The following TRPM3 variants were observed in gnomAD, a reference collection of about 807,000 sequenced individuals.
The protein encoded by TRPM3 is transient receptor potential cation channel subfamily M member 3, also known as long transient receptor potential channel 3.
In TRPM3, 77 loss-of-function variants were observed where a neutral mutation model predicts 181.2. The observed-to-expected ratio is 0.42, with a 90% CI of 0.35 to 0.51. TRPM3 has a LOEUF of 0.51. Among genes scored for constraint, TRPM3 ranks in the 20% least tolerant of loss-of-function variants. TRPM3 has a pLI of 0.01. For missense variants in TRPM3, 1,759 were observed against 2,196.7 expected, an observed-to-expected ratio of 0.80 and a Z score of 3.98; for synonymous variants, 745 against 796.4, an observed-to-expected ratio of 0.94 and a Z score of 1.09.
intron 9 of TRPM3, among the ~76,000 whole-genome samples, chr9:70,641,319 A>G (rs565490518): frequency 6.6e-6 from 1 of 152,148 alleles, no homozygotes; most frequent in South Asian, 2.1e-4. Flanking sequence ...AGTTTGAGAA[A>G]CTCTGCTCTA....
intron 1 of TRPM3, among the ~76,000 whole-genome samples, chr9:70,898,080 C>A (rs2096308626): frequency 6.6e-6 from 1 of 151,910 alleles, no homozygotes; most frequent in Admixed American, 6.6e-5. Context: ...GTTTTGCAGG[C>A]ACCTACATTC....
chr9:71,416,627 G>T (rs2093641239), intron 1 of TRPM3, among the ~76,000 whole-genome samples: 1 of 151,674 alleles, frequency 6.6e-6, no homozygotes, highest in Admixed American at 6.6e-5. Flanking sequence ...TTTCATTTTA[G>T]GTACAATCAC....
intron 9 of TRPM3, among the ~76,000 whole-genome samples, chr9:70,676,175 G>A (rs2063958316): frequency 6.6e-6 from 1 of 152,178 alleles, no homozygotes; most frequent in Non-Finnish European, 1.5e-5. Context: ...CTTTGTCCCT[G>A]TGCCTCAGAT....
At chr9:70,654,769 G>A (rs994337593) in intron 9 of TRPM3, among the ~76,000 whole-genome samples, 6 of 149,762 alleles carry the variant, frequency 4.0e-5, no homozygotes, top group East Asian at 2.0e-4. Flanking sequence ...TGCAAGCTCC[G>A]CTTCCTGGGT....
intron 1 of TRPM3, among the ~76,000 whole-genome samples, chr9:70,988,372 C>T (rs2097442472): frequency 6.6e-6 from 1 of 152,134 alleles, no homozygotes; most frequent in Admixed American, 6.5e-5. Flanking sequence ...ATTGTCTCAC[C>T]TGTAAAATGG....
At chr9:71,047,679 A>G (rs1330758670) in intron 1 of TRPM3, among the ~76,000 whole-genome samples, 2 of 152,162 alleles carry the variant, frequency 1.3e-5, no homozygotes, top group African/African-American at 4.8e-5. Flanking sequence ...GCAAGAACTC[A>G]TTCCTTTGTC....
chr9:71,375,995 T>C (rs1006470839), intron 1 of TRPM3, among the ~76,000 whole-genome samples: 1 of 152,094 alleles, frequency 6.6e-6, no homozygotes, highest in African/African-American at 2.4e-5. Flanking sequence ...ACCTACAATA[T>C]CTCCAAGGTA....
chr9:70,986,208 A>C (rs1038500121), intron 1 of TRPM3, among the ~76,000 whole-genome samples: 2 of 152,030 alleles, frequency 1.3e-5, no homozygotes, highest in Non-Finnish European at 2.9e-5. Context: ...ATTAAAATTA[A>C]ATAAAATTAG....
intron 1 of TRPM3, among the ~76,000 whole-genome samples, chr9:71,129,598 G>A (rs1430281571): frequency 6.6e-6 from 1 of 152,092 alleles, no homozygotes; most frequent in East Asian, 1.9e-4. Flanking sequence ...AAGGTCACGT[G>A]GGTGGTAAAC....
chr9:70,601,802 C>T (rs1181189646), intron 20 of TRPM3, among the ~76,000 whole-genome samples: 8 of 152,216 alleles, frequency 5.3e-5, no homozygotes, highest in Non-Finnish European at 7.3e-5. Flanking sequence ...TCCCTGTCTT[C>T]TCCCAGTCTG....
At chr9:71,376,317 C>T (rs2092664909) in intron 1 of TRPM3, among the ~76,000 whole-genome samples, 2 of 151,954 alleles carry the variant, frequency 1.3e-5, no homozygotes, top group African/African-American at 4.8e-5. Flanking sequence ...AATTTTAAGG[C>T]AAATTCTTGT....
chr9:70,554,425 T>C (rs1173334891), intron 22 of TRPM3, among the ~76,000 whole-genome samples: 1 of 152,168 alleles, frequency 6.6e-6, no homozygotes, highest in Non-Finnish European at 1.5e-5. Flanking sequence ...ATTTGAAAAG[T>C]TGACCCAGAA....
At chr9:70,821,406 A>G (rs1184475368) in intron 6 of TRPM3, among the ~76,000 whole-genome samples, 1 of 152,216 alleles carries the variant, frequency 6.6e-6, no homozygotes, top group Non-Finnish European at 1.5e-5. Context: ...ATTTTTTAAT[A>G]ATAACAATTT....
chr9:71,105,460 C>G (rs995656685), intron 1 of TRPM3, among the ~76,000 whole-genome samples: 6 of 152,170 alleles, frequency 3.9e-5, no homozygotes, highest in Admixed American at 1.3e-4. Flanking sequence ...TAGACCCCAG[C>G]CTTTGCTGGG....
intron 1 of TRPM3, among the ~76,000 whole-genome samples, chr9:71,179,682 G>T (rs1468130232): frequency 1.3e-5 from 2 of 152,128 alleles, no homozygotes; most frequent in African/African-American, 4.8e-5. Context: ...CTTAGCCAGA[G>T]ACTTCTGTGA....
At chr9:70,552,763 G>A (rs2046783332) in intron 24 of TRPM3, 81 bp downstream of exon 24, 1 of 1,433,496 alleles carries the variant, frequency 7.0e-7, no homozygotes, top group African/African-American at 1.4e-5. Context: ...AACTAGGTGG[G>A]CATGCGATTC....
intron 6 of TRPM3, among the ~76,000 whole-genome samples, chr9:70,813,411 A>C (rs1363169515): frequency 1.3e-5 from 2 of 152,218 alleles, no homozygotes; most frequent in African/African-American, 4.8e-5. Flanking sequence ...GCAAATTAAC[A>C]TAAAAACAGA....
At chr9:71,354,329 A>G (rs896322160) in intron 1 of TRPM3, among the ~76,000 whole-genome samples, 3 of 152,094 alleles carry the variant, frequency 2.0e-5, no homozygotes, top group Non-Finnish European at 4.4e-5. Context: ...CAATGACTCT[A>G]TTTTGTGACT....
intron 9 of TRPM3, among the ~76,000 whole-genome samples, chr9:70,645,742 C>CAAAAAAAAAAATAAAAAAAAA (rs2058736213): frequency 6.7e-6 from 1 of 148,602 alleles, no homozygotes; most frequent in Non-Finnish European, 1.5e-5. Flanking sequence ...TTCTTCACAG[C>CAAAAAAAAAAATAAAAAAAAA]AAAAAAAAAA....
Sources: allele counts gnomAD v4.1 joint callset (sites outside exome capture counted in the v4.1 genomes callset), GRCh38; gene constraint gnomAD v4.1.1; transcripts MANE v1.5; gene names NCBI Gene and HGNC (gene_info 2026-07-23, HGNC 2026-07-21).